The following TLR6 variants were observed in gnomAD, a reference collection of about 807,000 sequenced individuals.
TLR6 encodes toll-like receptor 6.
In TLR6, 9 loss-of-function variants were observed where a neutral mutation model predicts 16.1. The ratio of observed to expected loss-of-function variants is 0.56; its 90% confidence interval spans 0.34 to 0.98. TLR6 has a LOEUF of 0.98. Ranked by LOEUF, TLR6 falls within the 50% of genes least tolerant of loss-of-function variation. TLR6 has a pLI of 0.02. For missense variants in TLR6, 786 were observed against 921.0 expected (o/e 0.85, Z 1.90); for synonymous variants, 340 against 338.6 (o/e 1.00, Z -0.04).
At chr4:38,832,912 A>G (rs913582948) in intron 1 of TLR6, among the ~76,000 whole-genome samples, 7 of 152,058 alleles carry the variant, frequency 4.6e-5, no homozygotes, top group African/African-American at 1.7e-4. Flanking sequence ...CAGCAACCCC[A>G]TCTTCCCTAG....
At chr4:38,843,401 A>G (rs1712372681) in intron 1 of TLR6, among the ~76,000 whole-genome samples, 1 of 152,268 alleles carries the variant, frequency 6.6e-6, no homozygotes, top group Non-Finnish European at 1.5e-5. Context: ...CACATTGCTC[A>G]GTTTTATTTA....
chr4:38,833,168 G>C (rs1465817903), intron 1 of TLR6, among the ~76,000 whole-genome samples: 1 of 152,178 alleles, frequency 6.6e-6, no homozygotes, highest in Non-Finnish European at 1.5e-5. Context: ...CACACAAATT[G>C]TGCAGGGGCC....
chr4:38,829,677 T>A, intron 1 of TLR6, 140 bp from the exon 2 acceptor site: 1 of 514,930 alleles, frequency 1.9e-6, no homozygotes. Flanking sequence ...GTAATACTTT[T>A]TATAACCAGT....
exon 2 of TLR6, chr4:38,824,025 C>T (rs1727426986): frequency 6.6e-6 from 1 of 152,498 alleles, no homozygotes; most frequent in Middle Eastern, 3.4e-3. Context: ...GCCGCCCAGG[C>T]ACTGCGGCGG....
intron 1 of TLR6, among the ~76,000 whole-genome samples, chr4:38,831,838 A>G (rs1226773743): frequency 2.0e-5 from 3 of 152,224 alleles, no homozygotes; most frequent in Non-Finnish European, 4.4e-5. Flanking sequence ...AGAATGGGTA[A>G]AATCCAAAAA....
the TLR6 span, among the ~76,000 whole-genome samples, chr4:38,862,139 A>G: frequency 4.6e-5 from 7 of 152,134 alleles, no homozygotes; most frequent in Admixed American, 1.3e-4. Context: ...GTCCTTCGGA[A>G]TGAACTCTCT....
At chr4:38,829,043 T>C (rs755351000) in exon 2 of TLR6, 2 of 1,614,202 alleles carry the variant, frequency 1.2e-6, no homozygotes, top group Non-Finnish European at 1.7e-6. Flanking sequence ...TTGTGATAAG[T>C]TGCCAAATTC....
upstream of TLR6, among the ~76,000 whole-genome samples, chr4:38,858,943 G>A (rs771635737): frequency 1.3e-5 from 2 of 152,166 alleles, no homozygotes; most frequent in Non-Finnish European, 2.9e-5. Flanking sequence ...ACTGTAAGAA[G>A]AGTATGACAT....
At chr4:38,850,694 C>T (rs1163366944) in intron 1 of TLR6, among the ~76,000 whole-genome samples, 3 of 152,076 alleles carry the variant, frequency 2.0e-5, no homozygotes, top group African/African-American at 2.4e-5. Flanking sequence ...AAGTTGAATC[C>T]CTGAATAGGC....
chr4:38,847,858 C>T (rs1441791411), intron 1 of TLR6, among the ~76,000 whole-genome samples: 3 of 152,218 alleles, frequency 2.0e-5, no homozygotes, highest in African/African-American at 4.8e-5. Flanking sequence ...CCTCTGGGGG[C>T]AGGGCATAGC....
At chr4:38,827,817 C>T (rs767297600) in exon 2 of TLR6, 5 of 1,614,252 alleles carry the variant, frequency 3.1e-6, no homozygotes, top group Non-Finnish European at 4.2e-6. Context: ...GGCCAGCCCT[C>T]TAACACTTCA....
chr4:38,840,655 C>T (rs1040641916), intron 1 of TLR6, among the ~76,000 whole-genome samples: 4 of 149,564 alleles, frequency 2.7e-5, no homozygotes, highest in Admixed American at 6.7e-5. Flanking sequence ...AAAAAGAAGA[C>T]ACACAATGCT....
At chr4:38,838,784 G>A (rs1712066325) in intron 1 of TLR6, among the ~76,000 whole-genome samples, 1 of 151,900 alleles carries the variant, frequency 6.6e-6, no homozygotes, top group Admixed American at 6.6e-5. Context: ...TGTTTGAGAT[G>A]GTGGATATCC....
chr4:38,851,836 A>G (rs1336479992), intron 1 of TLR6, among the ~76,000 whole-genome samples: 1 of 152,218 alleles, frequency 6.6e-6, no homozygotes, highest in African/African-American at 2.4e-5. Flanking sequence ...TGCCATCCCC[A>G]TCAAGCTACC....
intron 1 of TLR6, chr4:38,843,519 T>C (rs906595242): frequency 3.9e-5 from 6 of 152,230 alleles, no homozygotes; most frequent in African/African-American, 9.7e-5. Flanking sequence ...AGGGTATATA[T>C]TGGAAATAGT....
chr4:38,839,300 GATTTTTTTTTAAAAAAA>G (rs1300897279), intron 1 of TLR6, among the ~76,000 whole-genome samples: 1 of 139,248 alleles, frequency 7.2e-6, no homozygotes, highest in Non-Finnish European at 1.5e-5. Flanking sequence ...AAAGTCTATT[GATTTTTTTTTAAAAAAA>G]ATTAATAGAA....
At chr4:38,859,363 T>A (rs146725806), upstream of TLR6, among the ~76,000 whole-genome samples, 2 of 152,288 alleles carry the variant, frequency 1.3e-5, no homozygotes, top group Non-Finnish European at 2.9e-5. Flanking sequence ...TTTGAACTTC[T>A]AGCCTCCAGA....
upstream of TLR6, among the ~76,000 whole-genome samples, chr4:38,861,753 TGTC>T (rs1275304427): frequency 1.3e-5 from 2 of 152,150 alleles, no homozygotes; most frequent in Admixed American, 6.5e-5. Flanking sequence ...CACCTCCTCT[TGTC>T]TCTTTCACTT....
At chr4:38,828,721 T>C in exon 2 of TLR6, 2 of 1,614,076 alleles carry the variant, frequency 1.2e-6, no homozygotes, top group Non-Finnish European at 1.7e-6. Context: ...TAAAATTCAG[T>C]AAGGTTGAAC....
Sources: gnomAD v4.1 joint callset for allele counts (sites outside exome capture counted in the v4.1 genomes callset) on GRCh38, gnomAD v4.1.1 for gene constraint, MANE v1.5 for transcripts, NCBI Gene and HGNC (gene_info 2026-07-23, HGNC 2026-07-21) for gene names.